BMPR1B: variants seen among roughly 807,000 people sequenced by gnomAD.
BMPR1B encodes the protein bone morphogenetic protein receptor type-1B.
In BMPR1B, 12 loss-of-function variants were observed where a neutral mutation model predicts 59.1. That is an observed-to-expected ratio of 0.20 (90% CI 0.13 to 0.33). The LOEUF (loss-of-function observed/expected upper bound fraction) is 0.33. Among genes scored for constraint, BMPR1B ranks in the 10% least tolerant of loss-of-function variants. BMPR1B has a pLI of 1.00. For synonymous variants in BMPR1B, 237 were observed against 207.3 expected, an observed-to-expected ratio of 1.14 and a Z score of -1.23; for missense variants, 550 against 610.9, an observed-to-expected ratio of 0.90 and a Z score of 1.05.
intron 10 of BMPR1B, among the ~76,000 whole-genome samples, chr4:95,131,760 A>G (rs1309625065): frequency 6.6e-6 from 1 of 152,238 alleles, no homozygotes; most frequent in Non-Finnish European, 1.5e-5. Context: ...TAAGTTATAT[A>G]GAAAAGAAGT....
intron 2 of BMPR1B, among the ~76,000 whole-genome samples, chr4:94,974,816 A>C (rs531398386): frequency 1.3e-5 from 2 of 152,170 alleles, no homozygotes; most frequent in African/African-American, 4.8e-5. Context: ...GTAAATGCAG[A>C]TAATTGCCTG....
At chr4:94,796,366 A>G (rs1376996151) in intron 1 of BMPR1B, among the ~76,000 whole-genome samples, 1 of 152,208 alleles carries the variant, frequency 6.6e-6, no homozygotes, top group South Asian at 2.1e-4. Context: ...AGCTCCATCT[A>G]TCAAATGGTA....
chr4:94,882,887 G>C (rs540076548), intron 2 of BMPR1B, among the ~76,000 whole-genome samples: 1 of 152,274 alleles, frequency 6.6e-6, no homozygotes, highest in South Asian at 2.1e-4. Flanking sequence ...ATCACCTTCA[G>C]AATGCTTAGA....
chr4:95,048,249 T>C (rs1726185883), intron 3 of BMPR1B, among the ~76,000 whole-genome samples: 1 of 152,206 alleles, frequency 6.6e-6, no homozygotes, highest in Non-Finnish European at 1.5e-5. Context: ...AGTGCTGCGA[T>C]GAACATATAA....
chr4:95,085,148 T>C (rs1036733520), intron 3 of BMPR1B, among the ~76,000 whole-genome samples: 1 of 152,126 alleles, frequency 6.6e-6, no homozygotes, highest in African/African-American at 2.4e-5. Context: ...GCCAGGCTGG[T>C]CTAGATTGAG....
chr4:94,837,474 A>G (rs1310348075), intron 1 of BMPR1B, among the ~76,000 whole-genome samples: 2 of 144,164 alleles, frequency 1.4e-5, no homozygotes, highest in East Asian at 3.9e-4. Flanking sequence ...GGTCCTTCAC[A>G]TCCCTTGGAA....
At position 94,783,871 on chromosome 4, in the gene BMPR1B, T is replaced by A. The variant is rs568893215; in HGVS notation, c.-183+25803T>A. Among the ~76,000 whole-genome samples the A allele has an allele frequency of 1.6e-3, 239 of 152,254 alleles. 3 individuals carry two copies. The highest frequency in any genetic ancestry group is 1.2e-3 in the East Asian group (6 of 5,156). ...TTAGAGCTGGGGGGATGAGAAGTGC[T>A]GGTGGCCCCTCCCTCCTGGTGAGAG... On this transcript the variant is annotated intron_variant, in intron 1 of 12. Coordinates refer to ENST00000515059, the MANE Select transcript of BMPR1B (RefSeq NM_001203.3).
intron 1 of BMPR1B, among the ~76,000 whole-genome samples, chr4:94,862,876 T>C (rs897463906): frequency 5.2e-5 from 7 of 134,162 alleles, no homozygotes; most frequent in African/African-American, 1.4e-4. Context: ...ACCCGGGAGG[T>C]GGAGCTTGCA....
At chr4:94,854,968 A>G (rs899318699) in intron 1 of BMPR1B, among the ~76,000 whole-genome samples, 1 of 152,198 alleles carries the variant, frequency 6.6e-6, no homozygotes, top group Non-Finnish European at 1.5e-5. Flanking sequence ...ATCAATAAGG[A>G]CAAAGGATTC....
intron 2 of BMPR1B, among the ~76,000 whole-genome samples, chr4:94,990,676 T>G (rs1394536278): frequency 3.3e-5 from 5 of 149,994 alleles, no homozygotes; most frequent in Admixed American, 1.3e-4. Flanking sequence ...GGAATGAGGT[T>G]TTGTTGTTGT....
intron 2 of BMPR1B, among the ~76,000 whole-genome samples, chr4:94,945,605 T>G (rs2149048451): frequency 6.6e-6 from 1 of 152,268 alleles, no homozygotes; most frequent in African/African-American, 2.4e-5. Context: ...CAGCTAATTT[T>G]TTGACTTTTT....
chr4:94,895,347 T>C (rs1727546432), intron 2 of BMPR1B, among the ~76,000 whole-genome samples: 1 of 151,978 alleles, frequency 6.6e-6, no homozygotes, highest in South Asian at 2.1e-4. Context: ...TTTATATAGC[T>C]GCCTTAAATT....
chr4:94,873,433 A>T, intron 1 of BMPR1B, among the ~76,000 whole-genome samples: 1 of 146,240 alleles, frequency 6.8e-6, no homozygotes. Flanking sequence ...TTTGAGACAG[A>T]GTTTCGCTCT....
intron 2 of BMPR1B, among the ~76,000 whole-genome samples, chr4:94,944,249 T>C (rs1485876254): frequency 6.6e-6 from 1 of 152,122 alleles, no homozygotes; most frequent in Non-Finnish European, 1.5e-5. Flanking sequence ...ATTCAACCTA[T>C]AGTAGGAAAT....
rs1316873090 is a variant in BMPR1B, at chr4:94,794,663, C to G, written c.-183+36595C>G. ...TTCCTACCCATGAGCATGGAATGTT[C>G]TTCCATTTCTTTGTATCGTCTTTTA... On this transcript the variant is annotated intron_variant, in intron 1 of 12. Coordinates refer to ENST00000515059, the MANE Select transcript of BMPR1B (RefSeq NM_001203.3). Among the ~76,000 whole-genome samples the G allele has an allele frequency of 5.3e-5, 8 of 151,736 alleles. No homozygotes were observed. In the East Asian group the frequency reaches 1.4e-3, roughly 26 times the overall value.
At chr4:94,839,675 C>T (rs1458771997) in intron 1 of BMPR1B, among the ~76,000 whole-genome samples, 1 of 143,622 alleles carries the variant, frequency 7.0e-6, no homozygotes. Flanking sequence ...AGATGGGTTT[C>T]CTGAATGCAG....
At chr4:95,026,110 C>CCTTCTTTCTTTCTTTT in intron 3 of BMPR1B, among the ~76,000 whole-genome samples, 1 of 139,394 alleles carries the variant, frequency 7.2e-6, no homozygotes, top group South Asian at 2.4e-4. Flanking sequence ...TTCTTTCTTT[C>CCTTCTTTCTTTCTTTT]TTTCTTTCTT....
rs116181024 is a variant in BMPR1B at position 95,121,238 on chromosome 4, C to G, written c.350-2572C>G. Among the ~76,000 whole-genome samples, 680 of 152,282 alleles carry G rather than the reference C, an allele frequency of 4.5e-3. 2 individuals carry two copies. The highest frequency in any genetic ancestry group is 7.7e-3 in the Non-Finnish European group (526 of 68,014). On this transcript the variant is annotated intron_variant, in intron 6 of 12. Coordinates refer to ENST00000515059, the MANE Select transcript of BMPR1B (RefSeq NM_001203.3). ...AGCTAACCAAGGAGGTAAAAGACCT[C>G]TACAAGGAGAACTACAAAACACTGC...
chr4:95,048,308 C>G (rs1578989197), intron 3 of BMPR1B, among the ~76,000 whole-genome samples: 1 of 152,074 alleles, frequency 6.6e-6, no homozygotes, highest in South Asian at 2.1e-4. Context: ...TGGATATATA[C>G]CCAGTAATGG....
Sources: gnomAD v4.1 joint callset for allele counts (sites outside exome capture counted in the v4.1 genomes callset) on GRCh38, gnomAD v4.1.1 for gene constraint, MANE v1.5 for transcripts, NCBI Gene and HGNC (gene_info 2026-07-23, HGNC 2026-07-21) for gene names.